Variants in MYO3B observed in about 807,000 individuals in gnomAD.
MYO3B encodes myosin-IIIb.
Under a neutral mutation model 174.6 loss-of-function variants are expected in MYO3B, and 156 were observed. The ratio of observed to expected loss-of-function variants is 0.89; its 90% CI spans 0.78 to 1.02. The LOEUF (loss-of-function observed/expected upper bound fraction) is 1.02, where lower values mean the gene tolerates loss of function less well. Ranked by LOEUF, MYO3B falls within the 50% of genes least tolerant of loss-of-function variation. MYO3B has a pLI of 0.00. For missense variants in MYO3B, 1,632 were observed against 1,639.4 expected, an observed-to-expected ratio of 1.00 and a Z score of 0.08; for synonymous variants, 563 against 569.1, an observed-to-expected ratio of 0.99 and a Z score of 0.15.
intron 27 of MYO3B, among the ~76,000 whole-genome samples, chr2:170,501,447 G>A (rs12993635): frequency 0.27 from 40,690 of 151,838 alleles, 5,803 homozygotes; most frequent in East Asian, 0.43. Flanking sequence ...TCATATCCCC[G>A]AGTCTTGAAG....
At position 170,365,635 on chromosome 2, in the gene MYO3B, T is replaced by G. The variant is rs185048902; in HGVS notation, c.816-3587T>G. Among the ~76,000 whole-genome samples the G allele has an allele frequency of 4.8e-3, 735 of 152,218 alleles. 1 individual carries two copies. The highest frequency in any genetic ancestry group is 0.017 in the African/African-American group (688 of 41,536). ...CTTTGCTCCCCATGAGAAAAAAATA[T>G]AGAGAGGAGTATTTTAGAATAAAGC... On this transcript the variant is annotated intron_variant, in intron 8 of 34. Coordinates refer to ENST00000408978, the MANE Select transcript of MYO3B (RefSeq NM_138995.5).
At chr2:170,494,468 C>T (rs768678487) in intron 25 of MYO3B, among the ~76,000 whole-genome samples, 1 of 152,094 alleles carries the variant, frequency 6.6e-6, no homozygotes, top group Admixed American at 6.6e-5. Context: ...TGGCTCATGC[C>T]TGTAATCTCA....
At chr2:170,482,067 A>C (rs1287357448) in intron 25 of MYO3B, among the ~76,000 whole-genome samples, 1 of 152,072 alleles carries the variant, frequency 6.6e-6, no homozygotes, top group African/African-American at 2.4e-5. Context: ...TCATGGGGGC[A>C]CATCTTTCCC....
intron 8 of MYO3B, among the ~76,000 whole-genome samples, chr2:170,336,020 G>A (rs761466717): frequency 3.3e-5 from 5 of 152,146 alleles, no homozygotes; most frequent in Admixed American, 1.3e-4. Context: ...ATGTCACTAG[G>A]CAAGTATTGC....
rs763957833 is a variant in MYO3B at position 170,499,556 on chromosome 2, T to C, written c.3127-90T>C. On this transcript the variant is annotated intron_variant, in intron 26 of 34. Coordinates refer to ENST00000408978, the MANE Select transcript of MYO3B (RefSeq NM_138995.5). ...GCTATAAACTTTATTTATATCATTG[T>C]TTTAATATTTTCATTTAGAATATGC... 52 of 1,210,766 alleles carry C rather than the reference T, an allele frequency of 4.3e-5. No individual in the cohort carries two copies. In the Admixed American group the frequency reaches 5.9e-4, roughly 14 times the overall value. The allele number at this position is 1,210,766 out of a possible 1,614,324, so 75.0% of individuals were successfully genotyped here.
intron 25 of MYO3B, among the ~76,000 whole-genome samples, chr2:170,482,281 A>G (rs1223958115): frequency 3.3e-5 from 5 of 151,842 alleles, no homozygotes; most frequent in Admixed American, 2.0e-4. Context: ...CAGCCTCTCG[A>G]GTAGCTGGGA....
chr2:170,587,576 G>A (rs1223170240), intron 32 of MYO3B, among the ~76,000 whole-genome samples: 1 of 152,160 alleles, frequency 6.6e-6, no homozygotes, highest in Admixed American at 6.5e-5. Flanking sequence ...TTAAGGGATC[G>A]GCTTTATTGA....
chr2:170,191,181 C>T (rs922835181), intron 1 of MYO3B, among the ~76,000 whole-genome samples: 10 of 151,460 alleles, frequency 6.6e-5, no homozygotes, highest in Non-Finnish European at 1.5e-4. Flanking sequence ...CCTGTCCTAC[C>T]GTGGCTGAGC....
rs74400813 is a variant in MYO3B at position 170,286,992 on chromosome 2, T to C, written c.750-48393T>C. ...AAAACATGAGGTATTTGTCTTTCTG[T>C]GCATGGCTTTTTTCATTTAACACAA... On this transcript the variant is annotated intron_variant, in intron 7 of 34. Transcript: ENST00000408978. Among the ~76,000 whole-genome samples, 1,351 of 152,278 alleles carry C rather than the reference T, an allele frequency of 8.9e-3. 21 individuals carry two copies. Among genetic ancestry groups the C allele is most frequent in the African/African-American group, 0.031 (1,273 of 41,570 alleles).
chr2:170,199,200 C>A lies in MYO3B; in HGVS notation c.3-8C>A. ...CTGTTGCACATAACAAATTTTTCCC[C>A]CAACCAGGAAACATCTGTATGGATT... On this transcript the variant is annotated splice_polypyrimidine_tract_variant and splice_region_variant and intron_variant, in intron 1 of 34. Coordinates refer to ENST00000408978, the MANE Select transcript of MYO3B (RefSeq NM_138995.5). The A allele has an allele frequency of 1.3e-6, 2 of 1,577,978 alleles. No individual in the cohort carries two copies. Among genetic ancestry groups the A allele is most frequent in the South Asian group, 1.2e-5 (1 of 83,896 alleles).
chr2:170,584,476 T>C (rs1464220219), intron 32 of MYO3B, among the ~76,000 whole-genome samples: 2 of 152,238 alleles, frequency 1.3e-5, no homozygotes, highest in Non-Finnish European at 2.9e-5. Flanking sequence ...AGGGCAGATA[T>C]AAATTAATGT....
chr2:170,481,215 T>C (rs1685667433), intron 25 of MYO3B, among the ~76,000 whole-genome samples: 1 of 152,234 alleles, frequency 6.6e-6, no homozygotes, highest in Non-Finnish European at 1.5e-5. Context: ...TGTAGCTACA[T>C]AGATGAGAGT....
At position 170,482,265 on chromosome 2, in the gene MYO3B, C is replaced by A. The variant is rs193099666; in HGVS notation, c.3014+15554C>A. Among the ~76,000 whole-genome samples the A allele has an allele frequency of 3.3e-4, 50 of 152,250 alleles. 1 individual carries two copies. The East Asian group carries it at 9.5e-3, about 29-fold the overall frequency. ...CTCCCTCCAGATTCAAGTGATTCTC[C>A]TGCCTCAGCCTCTCGAGTAGCTGGG... On this transcript the variant is annotated intron_variant, in intron 25 of 34. Transcript: ENST00000408978.
intron 7 of MYO3B, among the ~76,000 whole-genome samples, chr2:170,328,531 C>G (rs552860555): frequency 1.1e-3 from 173 of 152,248 alleles, no homozygotes; most frequent in African/African-American, 3.4e-3. Flanking sequence ...TCTTTGCATT[C>G]AAGTTTCTTG....
chr2:170,453,384 G>A (rs552089391), intron 23 of MYO3B, among the ~76,000 whole-genome samples: 1 of 147,836 alleles, frequency 6.8e-6, no homozygotes, highest in African/African-American at 2.5e-5. Flanking sequence ...CTTTGCAGAA[G>A]AGACTAACAG....
chr2:170,625,848 A>T (rs966399804), intron 32 of MYO3B, among the ~76,000 whole-genome samples: 2 of 152,348 alleles, frequency 1.3e-5, no homozygotes, highest in Admixed American at 6.5e-5. Flanking sequence ...TTCAGTTCCC[A>T]CGTAGTTGAG....
chr2:170,334,464 A>G (rs1045197010), intron 7 of MYO3B: 31 of 152,182 alleles, frequency 2.0e-4, no homozygotes, highest in African/African-American at 7.2e-4. Context: ...TTTAGGAAGC[A>G]GTTAGAATCA....
At chr2:170,431,476 C>T (rs2094708615) in intron 22 of MYO3B, among the ~76,000 whole-genome samples, 2 of 152,072 alleles carry the variant, frequency 1.3e-5, no homozygotes, top group African/African-American at 2.4e-5. Context: ...CTATTTTTTC[C>T]CTAGCTCTAC....
chr2:170,492,622 A>G (rs371831501), intron 25 of MYO3B, among the ~76,000 whole-genome samples: 3 of 152,356 alleles, frequency 2.0e-5, no homozygotes, highest in South Asian at 4.1e-4. Context: ...TTTCAGAAAT[A>G]CAGAGCTCAT....
Sources: gnomAD v4.1 joint callset for allele counts (sites outside exome capture counted in the v4.1 genomes callset) on GRCh38, gnomAD v4.1.1 for gene constraint, MANE v1.5 for transcripts, NCBI Gene and HGNC (gene_info 2026-07-23, HGNC 2026-07-21) for gene names.